VWCE: variants seen among roughly 807,000 people sequenced by gnomAD.
VWCE encodes the protein von Willebrand factor C and EGF domain-containing protein.
VWCE carries 68 observed loss-of-function variants against 102.9 expected under a neutral mutation model. The observed-to-expected ratio is 0.66, with a 90% CI of 0.54 to 0.81. VWCE has a LOEUF of 0.81. VWCE is among the 30% of genes least tolerant of loss of function. The pLI is 0.00. For missense variants in VWCE, 1,137 were observed against 1,263.6 expected, an observed-to-expected ratio of 0.90 and a Z score of 1.52; for synonymous variants, 497 against 515.4, an observed-to-expected ratio of 0.96 and a Z score of 0.48.
In VWCE at chr11:61,273,273, G is replaced by A. The variant is rs764488507; in HGVS notation, c.1625C>T (p.Ala542Val). Residue 542 changes from alanine to valine, a missense_variant, in exon 13 of 20, where the codon GCC becomes GTC. Ala to Val is a moderately conservative substitution (Grantham distance 64). Coordinates refer to ENST00000335613, the MANE Select transcript of VWCE (RefSeq NM_152718.2). ...ECSFMPCPEL[A>V]CPREEWRLGP... is the part of the protein sequence containing the mutation. ...CAGCCGCCACTCTTCTCGGGGGCAG[G>A]CCAGCTCAGGGCAGGGCATGAAGGA... is the stretch of plus-strand genomic sequence containing the variant. The A allele has an allele frequency of 1.2e-6, 2 of 1,613,818 alleles. No individual in the cohort carries two copies.
chr11:61,268,932 G>A lies in VWCE; in HGVS notation c.1872C>T (p.Asp624=), dbSNP rs1854589593. The part of the protein sequence containing the change: ...PIRIPGQCCP[D]CSAGCTYTGR... ...GAGGCAGGGGATTACCTGCTGAACAGTCTGGGCAGCACTGTCCAGGGATCC... is the reference window on the plus strand; with the variant it reads ...GAGGCAGGGGATTACCTGCTGAACAATCTGGGCAGCACTGTCCAGGGATCC... The change falls in exon 15 of 20, where the codon GAC becomes GAT. Residue 624 remains aspartate, a synonymous_variant. Coordinates refer to ENST00000335613, the MANE Select transcript of VWCE (RefSeq NM_152718.2). 3.7e-6 allele frequency: 6 copies of A among 1,614,116 alleles called. No individual in the cohort carries two copies. In the East Asian group the frequency reaches 1.3e-4, roughly 36 times the overall value.
intron 5 of VWCE, among the ~76,000 whole-genome samples, chr11:61,285,505 G>A (rs561076167): frequency 1.3e-5 from 2 of 152,126 alleles, no homozygotes; most frequent in South Asian, 4.1e-4. Flanking sequence ...CAGACTTGGG[G>A]GATCCTACTC....
In VWCE at chr11:61,291,338, C is replaced by A. The variant is rs1298826240; in HGVS notation, c.221G>T (p.Gly74Val). 1 of 1,613,006 alleles carries A rather than the reference C, an allele frequency of 6.2e-7. No individual in the cohort carries two copies. Among genetic ancestry groups the A allele is most frequent in the Non-Finnish European group, 8.5e-7 (1 of 1,179,610 alleles). The change falls in exon 3 of 20, where the codon GGC becomes GTC. Residue 74 changes from glycine (G) to valine (V), a missense_variant. Gly to Val is a moderately radical substitution (Grantham distance 109). Around this residue, in one of 5 missense-constraint regions of VWCE, gnomAD observed 575 missense variants for 625.9 expected, o/e 0.92. Transcript: ENST00000335613. The stretch of plus-strand genomic sequence containing the variant: ...AGCGATGCAGATGCCACTCCCACAG[C>A]CGAAGGAGCAGAGGGCTGAGAGGAG... Reference protein sequence around the residue: ...GHCTLPLCSFGCGSGICIAPN... With the variant: ...GHCTLPLCSFVCGSGICIAPN...
rs185746858 is a variant in VWCE at position 61,291,410 on chromosome 11, G to A, written c.206-57C>T. On this transcript the variant is annotated intron_variant, in intron 2 of 19. Coordinates refer to ENST00000335613, the MANE Select transcript of VWCE (RefSeq NM_152718.2). Reference sequence around the variant, plus strand: ...AACTGGGGCCTCCCGTCTGCCCCTCGGACCAGGGACTGAGGGCTGGCAACA... The same window carrying A: ...AACTGGGGCCTCCCGTCTGCCCCTCAGACCAGGGACTGAGGGCTGGCAACA... The A allele has an allele frequency of 5.0e-4, 793 of 1,578,928 alleles. 3 individuals are homozygous for A. The African/African-American group carries it at 9.3e-3, about 19-fold the overall frequency.
In VWCE at chr11:61,268,902, G is replaced by C; in HGVS notation, c.1882+20C>G. The C allele has an allele frequency of 6.2e-7, 1 of 1,612,576 alleles. No individual in the cohort carries two copies. Among genetic ancestry groups the C allele is most frequent in the Non-Finnish European group, 8.5e-7 (1 of 1,178,888 alleles). On this transcript the variant is annotated intron_variant, in intron 15 of 19. Coordinates refer to ENST00000335613, the MANE Select transcript of VWCE (RefSeq NM_152718.2). ...TGAGATGCCCTGCCCTGGGGGCTTGGGGCAGAGGCAGGGGATTACCTGCTG... is the reference window on the plus strand; with the variant it reads ...TGAGATGCCCTGCCCTGGGGGCTTGCGGCAGAGGCAGGGGATTACCTGCTG...
chr11:61,293,756 G>C (rs958310504), intron 1 of VWCE, among the ~76,000 whole-genome samples: 1 of 152,202 alleles, frequency 6.6e-6, no homozygotes, highest in Admixed American at 6.5e-5. Flanking sequence ...GTGTTCTTGG[G>C]GAGAAAAATC....
intron 7 of VWCE, 132 bp from the exon 8 acceptor site, chr11:61,281,367 G>T: frequency 9.1e-7 from 1 of 1,094,216 alleles, no homozygotes; most frequent in Non-Finnish European, 1.3e-6. Context: ...ATTCTACTAT[G>T]TTTATGGGGA....
At chr11:61,270,659 G>C (rs1187439246) in intron 14 of VWCE, among the ~76,000 whole-genome samples, 2 of 152,102 alleles carry the variant, frequency 1.3e-5, no homozygotes, top group Non-Finnish European at 2.9e-5. Context: ...ATGTTTTGCA[G>C]TCATGAAGAA....
At position 61,258,996 on chromosome 11, in the gene VWCE, C is replaced by T. The variant is rs764670496; in HGVS notation, c.2547G>A (p.Ser849=). The part of the protein sequence containing the change: ...GASPRLSPGP[S]TPPGAPTLPL... Reference sequence around the variant, plus strand: ...GTAGAGTGGGGGCTCCTGGAGGGGTCGAAGGCCCTGGTGAGAGTCGAGGGG... The same window carrying T: ...GTAGAGTGGGGGCTCCTGGAGGGGTTGAAGGCCCTGGTGAGAGTCGAGGGG... Residue 849 remains serine (S), a synonymous_variant, in exon 20 of 20, where the codon TCG becomes TCA. Transcript: ENST00000335613. 1.2e-6 allele frequency: 2 copies of T among 1,611,634 alleles called. No individual in the cohort carries two copies. The highest frequency in any genetic ancestry group is 1.1e-5 in the South Asian group (1 of 90,858).
Position 61,281,777 on chromosome 11 carries a change from G to C in VWCE, c.787+9C>G. The C allele has an allele frequency of 6.2e-7, 1 of 1,607,586 alleles. No homozygotes were observed. Among genetic ancestry groups the C allele is most frequent in the Non-Finnish European group, 8.5e-7 (1 of 1,176,000 alleles). On this transcript the variant is annotated intron_variant, in intron 7 of 19. Transcript: ENST00000335613. ...GCCAGCCGCCGGGATGGAGGGGCCTGGCGCTCACCTTCACAGGACACGCGG... is the reference window on the plus strand; with the variant it reads ...GCCAGCCGCCGGGATGGAGGGGCCTCGCGCTCACCTTCACAGGACACGCGG...
In VWCE at chr11:61,269,064, C is replaced by T. The variant is rs189586769; in HGVS notation, c.1786-46G>A. On this transcript the variant is annotated intron_variant, in intron 14 of 19. Transcript: ENST00000335613. ...ACCAAGACCCCACCGGTGACACCGGCCCCTGCCTCCCCGCCCTGCAAAAGA... is the reference window on the plus strand; with the variant it reads ...ACCAAGACCCCACCGGTGACACCGGTCCCTGCCTCCCCGCCCTGCAAAAGA... The T allele has an allele frequency of 4.8e-4, 754 of 1,559,908 alleles. 1 individual carries two copies. In the African/African-American group the frequency reaches 9.2e-3, roughly 19 times the overall value.
At chr11:61,264,360 C>G in intron 19 of VWCE, 127 bp downstream of exon 19, 3 of 923,860 alleles carry the variant, frequency 3.2e-6, no homozygotes, top group Non-Finnish European at 5.0e-6. Flanking sequence ...CAACCTTGCG[C>G]GAGCCGTGTT....
chr11:61,276,772 G>A (rs1266938660), intron 10 of VWCE, 92 bp from the exon 11 acceptor site: 2 of 953,706 alleles, frequency 2.1e-6, no homozygotes, highest in Admixed American at 3.7e-5. Context: ...CAGGAAAGCT[G>A]CCTAAAGGAG....
intron 4 of VWCE, among the ~76,000 whole-genome samples, chr11:61,287,383 G>T (rs1855367535): frequency 1.3e-5 from 2 of 152,228 alleles, no homozygotes; most frequent in South Asian, 2.1e-4. Context: ...GTTTCCAATG[G>T]CCCTGGCCCT....
Position 61,264,488 on chromosome 11 carries a change from T to C in VWCE, c.2229A>G (p.Pro743=), listed in dbSNP as rs573394376. Residue 743 remains proline (P), a splice_region_variant and synonymous_variant, in exon 19 of 20, where the codon CCA becomes CCG. Transcript: ENST00000335613. ...TCCAGGACCCAGAGACCCACTTACC[T>C]GGACAGGAAGAGCAGCAGTCCCCAG... ...LLPGDCCSSC[P]DSLSPLEEKQ... 22 of 1,613,244 alleles carry C rather than the reference T, an allele frequency of 1.4e-5. No individual in the cohort carries two copies. The South Asian group carries it at 2.2e-4, about 16-fold the overall frequency.
chr11:61,282,049 G>T, intron 6 of VWCE, 135 bp from the exon 7 acceptor site: 1 of 1,349,980 alleles, frequency 7.4e-7, no homozygotes, highest in Non-Finnish European at 9.8e-7. Flanking sequence ...CCCGAGGTGC[G>T]GGATGTGACT....
chr11:61,276,737 C>T, intron 10 of VWCE, 57 bp from the exon 11 acceptor site: 1 of 1,405,046 alleles, frequency 7.1e-7, no homozygotes, highest in Non-Finnish European at 9.6e-7. Context: ...GGGTTCATTC[C>T]CCATCTCACA....
intron 4 of VWCE, among the ~76,000 whole-genome samples, chr11:61,286,920 A>T (rs1590654753): frequency 6.6e-6 from 1 of 151,912 alleles, no homozygotes. Flanking sequence ...ACATGGTGAA[A>T]CCCCGTCTCT....
rs150631384 is a variant in VWCE, at chr11:61,273,452, G to C, written c.1582-136C>G. 7.8e-5 allele frequency: 63 copies of C among 805,524 alleles called. No individual in the cohort carries two copies. In the African/African-American group the frequency reaches 8.8e-4, roughly 11 times the overall value. The allele number at this position is 805,524 out of a possible 1,614,324, so 49.9% of individuals were successfully genotyped here. On this transcript the variant is annotated intron_variant, in intron 12 of 19. Coordinates refer to ENST00000335613, the MANE Select transcript of VWCE (RefSeq NM_152718.2). ...GAAACTGACAAAGAAATCTACTAAA[G>C]TGAAACTGACAAAGAAATCTCCAAG...
Sources: allele counts gnomAD v4.1 joint callset (sites outside exome capture counted in the v4.1 genomes callset), GRCh38; gene constraint gnomAD v4.1.1; regional missense constraint gnomAD v4.1.1; transcripts MANE v1.5; gene names NCBI Gene and HGNC (gene_info 2026-07-23, HGNC 2026-07-21).